DGKG: variants seen among roughly 807,000 people sequenced by gnomAD.
The protein encoded by DGKG is DAG kinase gamma.
In DGKG, 78 loss-of-function variants were observed where a neutral mutation model predicts 105.3. That is an observed-to-expected ratio of 0.74 (90% CI 0.62 to 0.89). The LOEUF (loss-of-function observed/expected upper bound fraction) is 0.89, where lower values mean the gene tolerates loss of function less well. Ranked by LOEUF, DGKG falls within the 40% of genes least tolerant of loss-of-function variation. The probability of loss-of-function intolerance (pLI) is 0.00; values close to 1 mark genes in which losing one functional copy is unlikely to be tolerated. For missense variants in DGKG, 958 were observed against 1,020.1 expected, an observed-to-expected ratio of 0.94 and a Z score of 0.83; for synonymous variants, 346 against 367.1, an observed-to-expected ratio of 0.94 and a Z score of 0.66.
intron 21 of DGKG, among the ~76,000 whole-genome samples, chr3:186,200,322 T>C (rs549501592): frequency 2.1e-4 from 32 of 152,178 alleles, no homozygotes; most frequent in Non-Finnish European, 4.6e-4. Flanking sequence ...TAAACACTTA[T>C]TGTGCACTGA....
At position 186,253,082 on chromosome 3, in the gene DGKG, T is replaced by C; in HGVS notation, c.1600+11A>G. On this transcript the variant is annotated intron_variant, in intron 18 of 24. Coordinates refer to ENST00000265022, the MANE Select transcript of DGKG (RefSeq NM_001346.3). ...TGTTCCCAGGGTACCACCATTAGCA[T>C]GCAAACTCACCTCCTCCCCAGCGGA... is the stretch of plus-strand genomic sequence containing the variant. The C allele has an allele frequency of 6.2e-7, 1 of 1,613,722 alleles. No individual in the cohort carries two copies. The highest frequency in any genetic ancestry group is 8.5e-7 in the Non-Finnish European group (1 of 1,179,596).
rs186215986 is a variant in DGKG at position 186,361,936 on chromosome 3, G to C, written c.-249+10C>G. On this transcript the variant is annotated intron_variant, in intron 1 of 24. Coordinates refer to ENST00000265022, the MANE Select transcript of DGKG (RefSeq NM_001346.3). The surrounding 1 kb of genome is among the most constrained non-coding windows in gnomAD (Gnocchi z 6.8). ...GGGGACCCCCTCCGCCGCGCCGGCC[G>C]CCGTCTTACCTCACCAGGCAACACT... 6.6e-6 allele frequency: 1 copy of C among 152,540 alleles called. No homozygotes were observed. Among genetic ancestry groups the C allele is most frequent in the Admixed American group, 6.5e-5 (1 of 15,290 alleles). The allele number at this position is 152,540 out of a possible 1,614,324, so 9.4% of individuals were successfully genotyped here.
At position 186,173,579 on chromosome 3, in the gene DGKG, A is replaced by G. The variant is rs144258356; in HGVS notation, c.2096-8561T>C. On this transcript the variant is annotated intron_variant, in intron 22 of 24. Transcript: ENST00000265022. ...GCTCCTCTCCTGCCTCCAAATTTCC[A>G]TGGAGATGGGCATGTGTCCTTGGTG... is the stretch of plus-strand genomic sequence containing the variant. Among the ~76,000 whole-genome samples, 1,020 of 152,322 alleles carry G rather than the reference A, an allele frequency of 6.7e-3. 9 individuals carry two copies. The highest frequency in any genetic ancestry group is 0.023 in the African/African-American group (956 of 41,572).
Position 186,176,071 on chromosome 3 carries a change from G to A in DGKG, c.2096-11053C>T, listed in dbSNP as rs539158166. Among the ~76,000 whole-genome samples the A allele has an allele frequency of 2.1e-3, 327 of 152,314 alleles. 3 individuals are homozygous for A. The highest frequency in any genetic ancestry group is 7.5e-3 in the African/African-American group (313 of 41,576). On this transcript the variant is annotated intron_variant, in intron 22 of 24. Coordinates refer to ENST00000265022, the MANE Select transcript of DGKG (RefSeq NM_001346.3). ...AGTACCTTGCAGTGACAGGGTACCC[G>A]AAGGCAGGGAGGTGAGCTTGGGTGG...
intron 21 of DGKG, among the ~76,000 whole-genome samples, chr3:186,206,159 G>A (rs1718721894): frequency 6.6e-6 from 1 of 152,188 alleles, no homozygotes; most frequent in South Asian, 2.1e-4. Context: ...GCCGAGGCAG[G>A]TGGATCATGA....
chr3:186,178,210 G>A (rs1206610908), intron 22 of DGKG, among the ~76,000 whole-genome samples: 3 of 152,122 alleles, frequency 2.0e-5, no homozygotes, highest in Admixed American at 6.5e-5. Flanking sequence ...ATTCTGTTAC[G>A]GAAGCCCAAC....
At chr3:186,312,627 G>A (rs1724607990) in intron 2 of DGKG, among the ~76,000 whole-genome samples, 2 of 152,192 alleles carry the variant, frequency 1.3e-5, no homozygotes, top group South Asian at 2.1e-4. Context: ...GGGAAAGTTG[G>A]CGCATGAGCA....
At position 186,147,426 on chromosome 3, in the gene DGKG, G is replaced by A. The variant is rs73066151; in HGVS notation, c.*2664C>T. 2.3e-3 allele frequency: 2,218 copies of A among 983,614 alleles called. 28 individuals are homozygous for A. In the African/African-American group the frequency reaches 0.034, roughly 15 times the overall value. The allele number at this position is 983,614 out of a possible 1,614,324, so 60.9% of individuals were successfully genotyped here. ...CTGCTAACCTCAGAGGTTGCTATGA[G>A]GGTCACTATGATGAGGGACTCCACC... On this transcript the variant is annotated 3_prime_UTR_variant, in exon 25 of 25. Transcript: ENST00000265022.
At chr3:186,189,789 T>C (rs556481938) in intron 21 of DGKG, among the ~76,000 whole-genome samples, 15 of 152,302 alleles carry the variant, frequency 9.8e-5, no homozygotes, top group African/African-American at 3.6e-4. Context: ...TGCGAACTCA[T>C]TTTTTCACTG....
intron 1 of DGKG, among the ~76,000 whole-genome samples, chr3:186,332,020 G>T (rs1441274452): frequency 6.6e-6 from 1 of 151,738 alleles, no homozygotes; most frequent in African/African-American, 2.4e-5. Flanking sequence ...GTTGTTCAAA[G>T]CTCATGGTAA....
chr3:186,261,304 G>C (rs1485220233), intron 15 of DGKG, among the ~76,000 whole-genome samples: 2 of 152,162 alleles, frequency 1.3e-5, no homozygotes, highest in South Asian at 2.1e-4. Context: ...GGATGCACTG[G>C]CTTCTCACGG....
At chr3:186,307,089 G>T in intron 2 of DGKG, 112 bp from the exon 3 acceptor site, 2 of 722,970 alleles carry the variant, frequency 2.8e-6, no homozygotes, top group Non-Finnish European at 4.9e-6. Context: ...CTCAGTCCCA[G>T]AAAATCTGGA....
intron 7 of DGKG, chr3:186,281,096 C>A: frequency 5.3e-6 from 1 of 188,612 alleles, no homozygotes. Flanking sequence ...ACTTACAAAT[C>A]AAGGCAGATT....
chr3:186,289,267 AAC>A (rs1216658188), intron 5 of DGKG, among the ~76,000 whole-genome samples: 1 of 152,220 alleles, frequency 6.6e-6, no homozygotes, highest in African/African-American at 2.4e-5. Flanking sequence ...GTAAATGGCC[AAC>A]AGTCATTTCT....
intron 24 of DGKG, 67 bp from the exon 25 acceptor site, chr3:186,150,255 C>A: frequency 6.5e-7 from 1 of 1,535,418 alleles, no homozygotes; most frequent in South Asian, 1.2e-5. Context: ...GAGAGTGAGT[C>A]GCAGAGAAAG....
chr3:186,299,051 C>T (rs533158395), intron 3 of DGKG, among the ~76,000 whole-genome samples: 78 of 152,218 alleles, frequency 5.1e-4, no homozygotes, highest in Non-Finnish European at 8.7e-4. Context: ...CTGGGAGCAG[C>T]TATGCCAGAA....
chr3:186,349,146 A>G (rs1173514642), intron 1 of DGKG, among the ~76,000 whole-genome samples: 2 of 151,860 alleles, frequency 1.3e-5, no homozygotes, highest in East Asian at 1.9e-4. Context: ...ATCTTGGCTC[A>G]CTACAGCCTT....
chr3:186,340,321 G>A (rs1726029208), intron 1 of DGKG, among the ~76,000 whole-genome samples: 2 of 152,150 alleles, frequency 1.3e-5, no homozygotes, highest in Non-Finnish European at 2.9e-5. Flanking sequence ...GGGGTTAGGA[G>A]TGGCTGGATG....
intron 10 of DGKG, 93 bp from the exon 11 acceptor site, chr3:186,272,436 C>A (rs1032080660): frequency 4.5e-6 from 4 of 883,494 alleles, no homozygotes; most frequent in African/African-American, 1.7e-5. Context: ...CTGTACCTCC[C>A]TTTGGGTGGC....
Sources: allele counts gnomAD v4.1 joint callset (sites outside exome capture counted in the v4.1 genomes callset), GRCh38; gene constraint gnomAD v4.1.1; non-coding constraint Gnocchi (gnomAD v3.1); transcripts MANE v1.5; gene names NCBI Gene and HGNC (gene_info 2026-07-23, HGNC 2026-07-21).